Variants in TCF7L1 observed in about 807,000 individuals in gnomAD.
TCF7L1 encodes transcription factor 7-like 1.
A neutral mutation model predicts 63.7 loss-of-function variants in TCF7L1; 18 were observed. The ratio of observed to expected loss-of-function variants is 0.28; its 90% CI spans 0.20 to 0.42. The LOEUF is 0.42. TCF7L1 is among the 10% of genes least tolerant of loss of function. The pLI, the probability that TCF7L1 is intolerant of heterozygous loss-of-function variation, is 1.00. For missense variants in TCF7L1, 654 were observed against 779.3 expected (o/e 0.84, Z 1.91); for synonymous variants, 355 against 340.9 (o/e 1.04, Z -0.46).
intron 3 of TCF7L1, among the ~76,000 whole-genome samples, chr2:85,149,713 CAG>C (rs1489168024): frequency 1.3e-5 from 2 of 152,042 alleles, no homozygotes; most frequent in Non-Finnish European, 2.9e-5. Flanking sequence ...TTAGTAGAGA[CAG>C]GGTTTCACTA....
intron 3 of TCF7L1, among the ~76,000 whole-genome samples, chr2:85,258,236 G>A (rs554451843): frequency 1.3e-5 from 2 of 152,096 alleles, no homozygotes; most frequent in Non-Finnish European, 2.9e-5. Flanking sequence ...AGCAGGGGGG[G>A]CCTGCATTGG....
intron 3 of TCF7L1, among the ~76,000 whole-genome samples, chr2:85,199,414 A>G (rs1425651178): frequency 2.6e-5 from 4 of 152,226 alleles, no homozygotes; most frequent in African/African-American, 9.6e-5. Context: ...TCTCATGTTT[A>G]TGAGAAAGGA....
At chr2:85,218,843 T>C (rs1679774532) in intron 3 of TCF7L1, among the ~76,000 whole-genome samples, 1 of 152,068 alleles carries the variant, frequency 6.6e-6, no homozygotes, top group South Asian at 2.1e-4. Flanking sequence ...AAAAGGATAC[T>C]CTGTGATGGA....
chr2:85,278,461 C>T (rs757093609), intron 3 of TCF7L1, among the ~76,000 whole-genome samples: 7 of 152,196 alleles, frequency 4.6e-5, no homozygotes, highest in South Asian at 4.2e-4. Context: ...AGGAACAAAC[C>T]ACCATGACCA....
intron 3 of TCF7L1, among the ~76,000 whole-genome samples, chr2:85,135,874 G>A (rs1378195728): frequency 1.3e-5 from 2 of 150,510 alleles, no homozygotes; most frequent in Non-Finnish European, 3.0e-5. Context: ...AAAACTGGAT[G>A]TGGGTCTATG....
intron 3 of TCF7L1, among the ~76,000 whole-genome samples, chr2:85,199,488 G>A (rs1034216711): frequency 6.6e-6 from 1 of 152,164 alleles, no homozygotes; most frequent in African/African-American, 2.4e-5. Flanking sequence ...CTAGGGCAGT[G>A]GTTCTCAACT....
intron 3 of TCF7L1, among the ~76,000 whole-genome samples, chr2:85,194,278 A>T (rs1366014427): frequency 6.6e-6 from 1 of 152,200 alleles, no homozygotes; most frequent in Non-Finnish European, 1.5e-5. Context: ...CTGTAATCCC[A>T]GCACTTTGGG....
At chr2:85,135,303 C>A (rs1246849634) in intron 3 of TCF7L1, among the ~76,000 whole-genome samples, 2 of 152,160 alleles carry the variant, frequency 1.3e-5, no homozygotes, top group African/African-American at 4.8e-5. Context: ...AGCCGCCACT[C>A]CACCCCTAGG....
chr2:85,209,789 A>G (rs1679503749), intron 3 of TCF7L1, among the ~76,000 whole-genome samples: 1 of 152,152 alleles, frequency 6.6e-6, no homozygotes, highest in Non-Finnish European at 1.5e-5. Context: ...CGAGGCAGCT[A>G]TTGCATTTCC....
chr2:85,180,717 C>T (rs1678784907), intron 3 of TCF7L1, among the ~76,000 whole-genome samples: 3 of 152,178 alleles, frequency 2.0e-5, no homozygotes, highest in Admixed American at 1.3e-4. Flanking sequence ...GTTTCCTGTG[C>T]ACCAGGAGCC....
intron 3 of TCF7L1, chr2:85,166,964 T>C (rs2104229250): frequency 6.6e-6 from 1 of 152,422 alleles, no homozygotes; most frequent in African/African-American, 2.4e-5. Context: ...ACTGACGTGA[T>C]CTCGGCTCAC....
intron 3 of TCF7L1, among the ~76,000 whole-genome samples, chr2:85,218,541 C>T (rs1175412364): frequency 6.6e-6 from 1 of 152,122 alleles, no homozygotes; most frequent in African/African-American, 2.4e-5. Flanking sequence ...CAGGCGTGAG[C>T]TACCACGCCC....
intron 4 of TCF7L1, among the ~76,000 whole-genome samples, chr2:85,297,409 C>G (rs1015712959): frequency 6.6e-6 from 1 of 152,204 alleles, no homozygotes; most frequent in African/African-American, 2.4e-5. Flanking sequence ...TGCTGCAGCC[C>G]ACTGGCCTGC....
At chr2:85,276,347 G>A (rs1055396963) in intron 3 of TCF7L1, among the ~76,000 whole-genome samples, 2 of 152,118 alleles carry the variant, frequency 1.3e-5, no homozygotes, top group African/African-American at 2.4e-5. Context: ...ACGTATTCTC[G>A]GCAGACTAAG....
chr2:85,208,029 C>G (rs563717622), intron 3 of TCF7L1, among the ~76,000 whole-genome samples: 13 of 152,086 alleles, frequency 8.5e-5, no homozygotes, highest in Non-Finnish European at 1.3e-4. Flanking sequence ...GCCTCAGCCT[C>G]CTGAGTAGCT....
intron 3 of TCF7L1, among the ~76,000 whole-genome samples, chr2:85,227,431 A>G (rs1231401406): frequency 6.9e-6 from 1 of 145,772 alleles, no homozygotes; most frequent in Non-Finnish European, 1.5e-5. Context: ...TCAGAGTAAT[A>G]CCCCCTCTTT....
At chr2:85,178,992 A>G (rs1048763076) in intron 3 of TCF7L1, among the ~76,000 whole-genome samples, 2 of 152,038 alleles carry the variant, frequency 1.3e-5, no homozygotes, top group African/African-American at 4.8e-5. Flanking sequence ...GAAAGTAACT[A>G]CCCACCCGTC....
chr2:85,218,080 T>G (rs1256615271), intron 3 of TCF7L1, among the ~76,000 whole-genome samples: 1 of 152,184 alleles, frequency 6.6e-6, no homozygotes, highest in Non-Finnish European at 1.5e-5. Context: ...TCACTATGTA[T>G]TTATAGGGTG....
At chr2:85,152,435 C>CTTTTTTTTTTTTTTTTTT (rs67994195) in intron 3 of TCF7L1, among the ~76,000 whole-genome samples, 1 of 131,346 alleles carries the variant, frequency 7.6e-6, no homozygotes, top group African/African-American at 2.9e-5. Flanking sequence ...TTCTCTCTCT[C>CTTTTTTTTTTTTTTTTTT]TCTTTTTTTT....
Sources: allele counts gnomAD v4.1 joint callset (sites outside exome capture counted in the v4.1 genomes callset), GRCh38; gene constraint gnomAD v4.1.1; transcripts MANE v1.5; gene names NCBI Gene and HGNC (gene_info 2026-07-23, HGNC 2026-07-21).